The following PRUNE2 variants were observed in gnomAD, a reference collection of about 807,000 sequenced individuals.
PRUNE2 encodes the protein protein prune homolog 2.
A neutral mutation model predicts 252.0 loss-of-function variants in PRUNE2; 164 were observed. The ratio of observed to expected loss-of-function variants is 0.65; its 90% CI spans 0.57 to 0.74. The LOEUF is 0.74. Among genes scored for constraint, PRUNE2 ranks in the 30% least tolerant of loss-of-function variants. PRUNE2 has a pLI of 0.00. For synonymous variants in PRUNE2, 1,292 were observed against 1,350.2 expected (o/e 0.96, Z 0.94); for missense variants, 3,495 against 3,711.0 (o/e 0.94, Z 1.51).
chr9:76,642,069 C>T (rs207470277), intron 12 of PRUNE2: 1 of 977,544 alleles, frequency 1.0e-6, no homozygotes, highest in Middle Eastern at 2.4e-4. Context: ...CATTATTGTT[C>T]TCCATTATTT....
chr9:76,719,001 C>T (rs527416650), intron 6 of PRUNE2, among the ~76,000 whole-genome samples: 2 of 152,294 alleles, frequency 1.3e-5, no homozygotes, highest in South Asian at 4.1e-4. Flanking sequence ...AATATCTCTT[C>T]ATCTCCATTG....
At chr9:76,848,039 G>A (rs1257968702) in intron 3 of PRUNE2, among the ~76,000 whole-genome samples, 3 of 152,190 alleles carry the variant, frequency 2.0e-5, no homozygotes, top group African/African-American at 2.4e-5. Context: ...TGAGGCAGGC[G>A]GGTCACCTGA....
chr9:76,839,721 A>G (rs1281646733), intron 4 of PRUNE2, among the ~76,000 whole-genome samples: 1 of 152,216 alleles, frequency 6.6e-6, no homozygotes, highest in East Asian at 1.9e-4. Context: ...ATAGGGCAAC[A>G]GTCAGGCAGC....
intron 6 of PRUNE2, among the ~76,000 whole-genome samples, chr9:76,780,217 A>G (rs1288764008): frequency 1.3e-5 from 2 of 152,186 alleles, no homozygotes; most frequent in South Asian, 4.1e-4. Context: ...TATATTTTCT[A>G]TATTTATTTG....
intron 1 of PRUNE2, among the ~76,000 whole-genome samples, chr9:76,897,031 T>C (rs1380183426): frequency 6.6e-6 from 1 of 152,218 alleles, no homozygotes; most frequent in Non-Finnish European, 1.5e-5. Context: ...AATCTCACAA[T>C]GTATTCAACC....
chr9:76,715,941 T>TG (rs2047112603), intron 6 of PRUNE2, among the ~76,000 whole-genome samples: 1 of 152,224 alleles, frequency 6.6e-6, no homozygotes, highest in African/African-American at 2.4e-5. Flanking sequence ...AACTGAAGGC[T>TG]TCAGCACAAT....
chr9:76,794,694 A>C (rs1192554324), intron 6 of PRUNE2, among the ~76,000 whole-genome samples: 1 of 152,040 alleles, frequency 6.6e-6, no homozygotes. Context: ...CCTGGAAAGA[A>C]AGCTTAGTTT....
intron 6 of PRUNE2, among the ~76,000 whole-genome samples, chr9:76,767,018 T>G (rs1317890659): frequency 6.6e-6 from 1 of 152,190 alleles, no homozygotes; most frequent in Non-Finnish European, 1.5e-5. Flanking sequence ...CGTGAAATCT[T>G]AACCTTGCCT....
chr9:76,708,960 C>CA lies in PRUNE2; in HGVS notation c.3313_3314insT (p.Arg1105LeufsTer6). ...GTCGAGACTGTCAGGGGCCGTCTGCCGGGAGTTGGTGCTGCTGTGCAAAAG... is the reference window on the plus strand; with the variant it reads ...GTCGAGACTGTCAGGGGCCGTCTGCCAGGGAGTTGGTGCTGCTGTGCAAAAG... On this transcript the variant is annotated frameshift_variant, in exon 8 of 19. Coordinates refer to ENST00000376718, the MANE Select transcript of PRUNE2 (RefSeq NM_015225.3). LOFTEE classifies it high-confidence loss of function. The CA allele has an allele frequency of 6.2e-7, 1 of 1,613,908 alleles. No homozygotes were observed. The highest frequency in any genetic ancestry group is 1.1e-5 in the South Asian group (1 of 91,072).
At chr9:76,657,016 A>C (rs1197430634) in intron 9 of PRUNE2, among the ~76,000 whole-genome samples, 4 of 152,250 alleles carry the variant, frequency 2.6e-5, no homozygotes. Context: ...CACGTTATTC[A>C]GCAACAAAGA....
chr9:76,629,070 C>A, intron 16 of PRUNE2, 122 bp downstream of exon 16: 1 of 591,846 alleles, frequency 1.7e-6, no homozygotes, highest in Non-Finnish European at 2.9e-6. Context: ...TTGCAAACTC[C>A]TGGGCTCAAC....
At chr9:76,848,541 A>G (rs2059788374) in intron 3 of PRUNE2, among the ~76,000 whole-genome samples, 1 of 152,252 alleles carries the variant, frequency 6.6e-6, no homozygotes, top group South Asian at 2.1e-4. Flanking sequence ...CTAAAAAGTT[A>G]AATACAAAAT....
At position 76,706,923 on chromosome 9, in the gene PRUNE2, T is replaced by A; in HGVS notation, c.5351A>T (p.Lys1784Met). 6.2e-7 allele frequency: 1 copy of A among 1,607,406 alleles called. No homozygotes were observed. The highest frequency in any genetic ancestry group is 2.2e-5 in the East Asian group (1 of 44,784). The change falls in exon 8 of 19, where the codon AAG (lysine) becomes ATG (methionine). Residue 1784 changes from lysine (K) to methionine (M), a missense_variant. Coordinates refer to ENST00000376718, the MANE Select transcript of PRUNE2 (RefSeq NM_015225.3). Reference sequence around the variant, plus strand: ...TGTTTCTGGAGAAGATCTCTTCTCCTTCTCCACTGCTGTAATCTGCATTTC... The same window carrying A: ...TGTTTCTGGAGAAGATCTCTTCTCCATCTCCACTGCTGTAATCTGCATTTC... ...ETEMQITAVEKEKRSSPETGT... is the reference protein window; with the variant it reads ...ETEMQITAVEMEKRSSPETGT...
intron 3 of PRUNE2, among the ~76,000 whole-genome samples, chr9:76,849,923 A>G (rs2059866151): frequency 6.6e-6 from 1 of 152,226 alleles, no homozygotes; most frequent in Admixed American, 6.5e-5. Context: ...CTGAAATGCA[A>G]AAGTAAAAAT....
intron 9 of PRUNE2, among the ~76,000 whole-genome samples, chr9:76,672,366 A>G (rs1204838698): frequency 3.3e-4 from 40 of 120,862 alleles, no homozygotes; most frequent in Non-Finnish European, 5.7e-4. Flanking sequence ...TCCTAAATAT[A>G]TATGCACCCA....
intron 6 of PRUNE2, among the ~76,000 whole-genome samples, chr9:76,798,619 A>G (rs2056305421): frequency 6.6e-6 from 1 of 151,488 alleles, no homozygotes; most frequent in African/African-American, 2.4e-5. Context: ...TTCTAAAGTC[A>G]TTTTTGAAGT....
At chr9:76,896,749 C>G (rs2062846355) in intron 1 of PRUNE2, among the ~76,000 whole-genome samples, 1 of 152,120 alleles carries the variant, frequency 6.6e-6, no homozygotes, top group South Asian at 2.1e-4. Flanking sequence ...CCTGGATCTT[C>G]TCCTGCCTAG....
chr9:76,819,739 A>G, intron 6 of PRUNE2, among the ~76,000 whole-genome samples: 1 of 152,232 alleles, frequency 6.6e-6, no homozygotes, highest in Non-Finnish European at 1.5e-5. Context: ...AGATGCTTAA[A>G]GAAGATGTAA....
chr9:76,733,419 A>G (rs2048803421), intron 6 of PRUNE2, among the ~76,000 whole-genome samples: 1 of 150,976 alleles, frequency 6.6e-6, no homozygotes, highest in Non-Finnish European at 1.5e-5. Flanking sequence ...TCATTCATTC[A>G]TCTATTTGAG....
Sources: gnomAD v4.1 joint callset for allele counts (sites outside exome capture counted in the v4.1 genomes callset) on GRCh38, gnomAD v4.1.1 for gene constraint, MANE v1.5 for transcripts, NCBI Gene and HGNC (gene_info 2026-07-23, HGNC 2026-07-21) for gene names.